Variants in OR2L13 observed in about 807,000 individuals in gnomAD.
OR2L13 encodes olfactory receptor family 2 subfamily L member 13.
Under a neutral mutation model 15.3 loss-of-function variants are expected in OR2L13, and 14 were observed. That is an observed-to-expected ratio of 0.91 (90% CI 0.60 to 1.43). The LOEUF (loss-of-function observed/expected upper bound fraction) is 1.43, where lower values mean the gene tolerates loss of function less well. OR2L13 is among the 40% of genes most tolerant of loss of function. OR2L13 has a pLI of 0.00. For missense variants in OR2L13, 367 were observed against 387.9 expected (o/e 0.95, Z 0.45); for synonymous variants, 152 against 142.9 (o/e 1.06, Z -0.45).
the OR2L13 span, among the ~76,000 whole-genome samples, chr1:247,962,103 A>G: frequency 6.6e-6 from 1 of 152,174 alleles, no homozygotes; most frequent in Non-Finnish European, 1.5e-5. Flanking sequence ...CAGAGGAGAA[A>G]GTCTAAGAAA....
chr1:247,949,141 G>T, the OR2L13 span: 1 of 1,613,994 alleles, frequency 6.2e-7, no homozygotes, highest in South Asian at 1.1e-5. Context: ...TCCTTCACTG[G>T]GTGTGGGATT....
the OR2L13 span, among the ~76,000 whole-genome samples, chr1:248,005,570 C>A: frequency 6.6e-6 from 1 of 152,178 alleles, no homozygotes; most frequent in Non-Finnish European, 1.5e-5. Flanking sequence ...ATGGTTTTTA[C>A]TATTTATGTG....
At chr1:248,018,160 TAAAA>T in the OR2L13 span, among the ~76,000 whole-genome samples, 1 of 144,172 alleles carries the variant, frequency 6.9e-6, no homozygotes, top group Non-Finnish European at 1.5e-5. Flanking sequence ...CTCAAAAAAA[TAAAA>T]AAAAAAATTC....
At chr1:248,000,270 C>T in the OR2L13 span, among the ~76,000 whole-genome samples, 1 of 151,898 alleles carries the variant, frequency 6.6e-6, no homozygotes, top group Admixed American at 6.6e-5. Flanking sequence ...AAATCTGTGC[C>T]CCAGTAGAAA....
the OR2L13 span, among the ~76,000 whole-genome samples, chr1:248,086,201 A>G: frequency 2.6e-5 from 4 of 152,182 alleles, no homozygotes; most frequent in Non-Finnish European, 4.4e-5. Context: ...TATTAATTAG[A>G]TTAGTGAGCT....
At chr1:247,993,809 G>A in the OR2L13 span, among the ~76,000 whole-genome samples, 359 of 132,848 alleles carry the variant, frequency 2.7e-3, 2 homozygotes, top group African/African-American at 8.3e-3. Flanking sequence ...GAGAGAGAGA[G>A]AGAAAGAAAG....
the OR2L13 span, among the ~76,000 whole-genome samples, chr1:248,001,396 C>T: frequency 6.6e-6 from 1 of 151,618 alleles, no homozygotes; most frequent in African/African-American, 2.4e-5. Flanking sequence ...ACTTTTTCTG[C>T]TTGTTTTTTC....
chr1:248,084,385 G>A, the OR2L13 span: 2 of 1,613,312 alleles, frequency 1.2e-6, no homozygotes, highest in Non-Finnish European at 1.7e-6. Context: ...GTGGAAACCA[G>A]CATCACGTCC....
the OR2L13 span, among the ~76,000 whole-genome samples, chr1:248,068,955 C>T: frequency 6.6e-6 from 1 of 152,076 alleles, no homozygotes; most frequent in African/African-American, 2.4e-5. Context: ...ACAAAGCCTC[C>T]AAGAAATATG....
At chr1:247,954,468 C>T in the OR2L13 span, among the ~76,000 whole-genome samples, 2 of 152,062 alleles carry the variant, frequency 1.3e-5, no homozygotes, top group Non-Finnish European at 2.9e-5. Context: ...ATTTTGTCTG[C>T]TAAATATTTT....
At chr1:248,038,737 C>T in the OR2L13 span, 15 of 1,614,012 alleles carry the variant, frequency 9.3e-6, no homozygotes, top group South Asian at 2.2e-5. Context: ...AACTCTTGTG[C>T]TCACACAGTA....
At chr1:248,095,607 C>CTTTTTGTTTTTTTTTTTTTTTTTTTTT (rs1664715892), upstream of OR2L13, among the ~76,000 whole-genome samples, 1 of 37,294 alleles carries the variant, frequency 2.7e-5, no homozygotes, top group Non-Finnish European at 5.4e-5. Flanking sequence ...AAAGCTGCTG[C>CTTTTTGTTTTTTTTTTTTTTTTTTTTT]TTTTTTTTTT....
the OR2L13 span, among the ~76,000 whole-genome samples, chr1:248,036,925 C>T: frequency 6.6e-6 from 1 of 152,044 alleles, no homozygotes; most frequent in Non-Finnish European, 1.5e-5. Flanking sequence ...GGGAGGATCC[C>T]TAAAGTCTAT....
At chr1:248,018,876 C>T in the OR2L13 span, among the ~76,000 whole-genome samples, 1 of 152,176 alleles carries the variant, frequency 6.6e-6, no homozygotes, top group South Asian at 2.1e-4. Context: ...ACTCTGGATA[C>T]TTCATGTAGG....
the OR2L13 span, among the ~76,000 whole-genome samples, chr1:248,053,287 T>C: frequency 6.6e-6 from 1 of 152,218 alleles, no homozygotes; most frequent in Non-Finnish European, 1.5e-5. Flanking sequence ...CATGATCTTA[T>C]TATTTTTTAT....
the OR2L13 span, among the ~76,000 whole-genome samples, chr1:248,027,143 TG>T: frequency 0.016 from 2,378 of 152,260 alleles, 20 homozygotes; most frequent in Middle Eastern, 0.061. Flanking sequence ...GCCTCTAAAA[TG>T]GCCACTTTGG....
At chr1:248,075,697 GTTGT>G in the OR2L13 span, among the ~76,000 whole-genome samples, 3 of 152,102 alleles carry the variant, frequency 2.0e-5, no homozygotes, top group South Asian at 2.1e-4. Context: ...TTTTGATGAG[GTTGT>G]TTGTTTTTCT....
chr1:247,994,039 G>C, the OR2L13 span, among the ~76,000 whole-genome samples: 1 of 152,050 alleles, frequency 6.6e-6, no homozygotes, highest in Admixed American at 6.5e-5. Context: ...TTGTGGCATG[G>C]AGCTTTCCTA....
the OR2L13 span, chr1:248,060,687 A>G: frequency 6.2e-7 from 1 of 1,611,326 alleles, no homozygotes; most frequent in Non-Finnish European, 8.5e-7. Context: ...GCCCCATGGA[A>G]AATTACAATC....
Sources: allele counts gnomAD v4.1 joint callset (sites outside exome capture counted in the v4.1 genomes callset), GRCh38; gene constraint gnomAD v4.1.1; transcripts MANE v1.5; gene names NCBI Gene and HGNC (gene_info 2026-07-23, HGNC 2026-07-21).